The following PPM1H variants were observed in gnomAD, a reference collection of about 807,000 sequenced individuals.
The protein encoded by PPM1H is protein phosphatase 1H.
A neutral mutation model predicts 54.9 loss-of-function variants in PPM1H; 27 were observed. The observed-to-expected ratio is 0.49, with a 90% CI of 0.36 to 0.68. PPM1H has a LOEUF of 0.68. Among genes scored for constraint, PPM1H ranks in the 30% least tolerant of loss-of-function variants. The probability of loss-of-function intolerance (pLI) is 0.00; values close to 1 mark genes in which losing one functional copy is unlikely to be tolerated. For missense variants in PPM1H, 596 were observed against 667.8 expected, an observed-to-expected ratio of 0.89 and a Z score of 1.19; for synonymous variants, 305 against 270.8, an observed-to-expected ratio of 1.13 and a Z score of -1.24.
At chr12:62,767,987 T>C (rs1329626909) in intron 4 of PPM1H, among the ~76,000 whole-genome samples, 5 of 152,220 alleles carry the variant, frequency 3.3e-5, no homozygotes, top group African/African-American at 1.2e-4. Context: ...TGGCCTCATC[T>C]TAATTATATC....
At chr12:62,843,111 T>C (rs779852668) in intron 1 of PPM1H, among the ~76,000 whole-genome samples, 14 of 151,846 alleles carry the variant, frequency 9.2e-5, no homozygotes, top group Admixed American at 2.0e-4. Context: ...AGGTCAGGAG[T>C]TTGAGACCAG....
At chr12:62,669,708 G>C (rs534447724) in intron 8 of PPM1H, among the ~76,000 whole-genome samples, 3 of 152,074 alleles carry the variant, frequency 2.0e-5, no homozygotes, top group Non-Finnish European at 2.9e-5. Flanking sequence ...AAGGCAGGGG[G>C]ATCACTTGAG....
intron 1 of PPM1H, among the ~76,000 whole-genome samples, chr12:62,870,035 A>G (rs1869924017): frequency 6.6e-6 from 1 of 152,210 alleles, no homozygotes; most frequent in Admixed American, 6.5e-5. Context: ...TTCAACAGAT[A>G]CTTGTTGAAC....
chr12:62,931,996 A>G (rs539060855), intron 1 of PPM1H, among the ~76,000 whole-genome samples: 2 of 152,198 alleles, frequency 1.3e-5, no homozygotes, highest in East Asian at 1.9e-4. Flanking sequence ...GAGGGCATCC[A>G]AAGAAGTCTG....
intron 9 of PPM1H, among the ~76,000 whole-genome samples, chr12:62,661,090 C>T (rs2075880151): frequency 6.6e-6 from 1 of 151,512 alleles, no homozygotes; most frequent in African/African-American, 2.5e-5. Context: ...CTCCCCACCT[C>T]CAAGACCAGT....
intron 1 of PPM1H, among the ~76,000 whole-genome samples, chr12:62,837,542 C>T (rs1426258117): frequency 6.6e-6 from 1 of 152,212 alleles, no homozygotes; most frequent in Non-Finnish European, 1.5e-5. Flanking sequence ...AGAAGGCAGA[C>T]ACAGGGACAA....
chr12:62,708,204 C>T (rs912347155), intron 6 of PPM1H, among the ~76,000 whole-genome samples: 6 of 152,200 alleles, frequency 3.9e-5, no homozygotes, highest in African/African-American at 1.2e-4. Context: ...AAAACTTTAG[C>T]CTCTCTCTTA....
At chr12:62,864,319 C>T (rs1320894442) in intron 1 of PPM1H, among the ~76,000 whole-genome samples, 1 of 152,126 alleles carries the variant, frequency 6.6e-6, no homozygotes, top group Non-Finnish European at 1.5e-5. Context: ...TGGTACATAA[C>T]TTGTAAGGTA....
chr12:62,809,576 T>C (rs2076823603), intron 2 of PPM1H, among the ~76,000 whole-genome samples: 1 of 152,236 alleles, frequency 6.6e-6, no homozygotes, highest in Non-Finnish European at 1.5e-5. Context: ...AATGCAACTG[T>C]GAATCTAAGA....
At chr12:62,770,078 C>CT (rs35021122) in intron 4 of PPM1H, among the ~76,000 whole-genome samples, 18,756 of 143,868 alleles carry the variant, frequency 0.13, 1,316 homozygotes, top group African/African-American at 0.19. Flanking sequence ...CAACTTTCAG[C>CT]TTTTTTTTTT....
At chr12:62,656,715 G>T (rs892815889) in intron 9 of PPM1H, among the ~76,000 whole-genome samples, 3 of 152,082 alleles carry the variant, frequency 2.0e-5, no homozygotes, top group Non-Finnish European at 2.9e-5. Flanking sequence ...GCTGACACCC[G>T]CAGTAATACA....
At chr12:62,734,299 G>GT (rs1046812125) in intron 5 of PPM1H, among the ~76,000 whole-genome samples, 2 of 152,224 alleles carry the variant, frequency 1.3e-5, no homozygotes, top group Non-Finnish European at 1.5e-5. Context: ...CCAGTTTATG[G>GT]TTTTTTGCTA....
chr12:62,660,810 T>C (rs528062524), intron 9 of PPM1H, among the ~76,000 whole-genome samples: 4 of 152,358 alleles, frequency 2.6e-5, no homozygotes, highest in East Asian at 3.9e-4. Flanking sequence ...AAGACCTAAA[T>C]TGTCAGTCTG....
intron 1 of PPM1H, among the ~76,000 whole-genome samples, chr12:62,884,482 C>G (rs987159999): frequency 2.4e-5 from 1 of 40,942 alleles, no homozygotes; most frequent in Non-Finnish European, 4.7e-5. Context: ...GCCTGGGCAA[C>G]AAGAATGAAA....
rs147912427 is a variant in PPM1H at position 62,773,181 on chromosome 12, C to G, written c.869+15045G>C. The stretch of plus-strand genomic sequence containing the variant: ...AAACAAAACAAAACAAAACAAAACA[C>G]AAAGGCATGAAGCCTGGGTGCCGTG... On this transcript the variant is annotated intron_variant, in intron 4 of 9. Coordinates refer to ENST00000228705, the MANE Select transcript of PPM1H (RefSeq NM_020700.2). 1.7e-3 allele frequency among the ~76,000 whole-genome samples: 248 copies of G among 149,540 alleles called. 3 individuals are homozygous for G. The highest frequency in any genetic ancestry group is 0.01 in the Middle Eastern group (3 of 292).
intron 9 of PPM1H, among the ~76,000 whole-genome samples, chr12:62,657,368 G>A (rs2075850515): frequency 6.6e-6 from 1 of 152,170 alleles, no homozygotes; most frequent in African/African-American, 2.4e-5. Context: ...AAAACATCCT[G>A]ATGTGGCCAC....
At chr12:62,671,783 A>T (rs896390855) in intron 8 of PPM1H, among the ~76,000 whole-genome samples, 1 of 152,150 alleles carries the variant, frequency 6.6e-6, no homozygotes, top group African/African-American at 2.4e-5. Context: ...CTGGTGGTGA[A>T]GAAGGGAGGG....
chr12:62,676,996 A>G (rs2075990830), intron 8 of PPM1H, among the ~76,000 whole-genome samples: 1 of 152,006 alleles, frequency 6.6e-6, no homozygotes, highest in South Asian at 2.1e-4. Flanking sequence ...CCACCCCTGA[A>G]CCAATCAGCT....
intron 4 of PPM1H, among the ~76,000 whole-genome samples, chr12:62,770,548 C>CT (rs5798658): frequency 0.36 from 53,587 of 149,738 alleles, 10,516 homozygotes; most frequent in African/African-American, 0.52. Context: ...TATAATACAG[C>CT]TTTTTTTTTT....
Sources: gnomAD v4.1 joint callset for allele counts (sites outside exome capture counted in the v4.1 genomes callset) on GRCh38, gnomAD v4.1.1 for gene constraint, MANE v1.5 for transcripts, NCBI Gene and HGNC (gene_info 2026-07-23, HGNC 2026-07-21) for gene names.